The following ZYG11A variants were observed in gnomAD, a reference collection of about 807,000 sequenced individuals.
ZYG11A encodes zyg-11 family member A, cell cycle regulator, also known as protein zyg-11 homolog A.
Under a neutral mutation model 77.2 loss-of-function variants are expected in ZYG11A, and 62 were observed. The ratio of observed to expected loss-of-function variants is 0.80; its 90% CI spans 0.65 to 0.99. The LOEUF is 0.99. ZYG11A is among the 50% of genes least tolerant of loss of function. ZYG11A has a pLI of 0.00. For synonymous variants in ZYG11A, 315 were observed against 324.6 expected (o/e 0.97, Z 0.32); for missense variants, 828 against 896.8 (o/e 0.92, Z 0.98).
At chr1:52,865,101 C>A (rs971846889) in intron 5 of ZYG11A, among the ~76,000 whole-genome samples, 1 of 152,046 alleles carries the variant, frequency 6.6e-6, no homozygotes, top group Non-Finnish European at 1.5e-5. Context: ...TGCCACCATG[C>A]CTGGTTGATT....
chr1:52,854,758 A>C, intron 2 of ZYG11A, 128 bp downstream of exon 2: 1 of 993,056 alleles, frequency 1.0e-6, no homozygotes, highest in South Asian at 2.7e-5. Context: ...GTTGAGACTC[A>C]CTCTTTCTGG....
At chr1:52,865,738 C>A (rs1646012662) in intron 5 of ZYG11A, among the ~76,000 whole-genome samples, 1 of 151,966 alleles carries the variant, frequency 6.6e-6, no homozygotes, top group Non-Finnish European at 1.5e-5. Flanking sequence ...ATTCCATTTG[C>A]ATAACACCTT....
intron 6 of ZYG11A, among the ~76,000 whole-genome samples, chr1:52,866,846 T>C (rs776117033): frequency 6.6e-6 from 1 of 152,192 alleles, no homozygotes; most frequent in Non-Finnish European, 1.5e-5. Context: ...ATTTGTAAAA[T>C]AGTGACTCTT....
rs1161967033 is a variant in ZYG11A, at chr1:52,852,061, C to A, written c.91-2404C>A. Reference sequence around the variant, plus strand: ...TCCCGAGTAGCTAGGATTACAGGCGCCTGCCACCACTCTCGGCTAATTTTT... The same window carrying A: ...TCCCGAGTAGCTAGGATTACAGGCGACTGCCACCACTCTCGGCTAATTTTT... On this transcript the variant is annotated intron_variant, in intron 1 of 13. Transcript: ENST00000371528. Among the ~76,000 whole-genome samples the A allele has an allele frequency of 2.0e-5, 3 of 151,866 alleles. No homozygotes were observed. The East Asian group carries it at 5.8e-4, about 29-fold the overall frequency.
intron 1 of ZYG11A, among the ~76,000 whole-genome samples, chr1:52,850,084 G>A (rs934433303): frequency 3.3e-5 from 5 of 152,114 alleles, no homozygotes; most frequent in Non-Finnish European, 5.9e-5. Flanking sequence ...TTCTGTTTCA[G>A]TTTGAGTCAT....
chr1:52,886,427 G>T (rs1646452139), intron 12 of ZYG11A, among the ~76,000 whole-genome samples: 1 of 152,174 alleles, frequency 6.6e-6, no homozygotes, highest in African/African-American at 2.4e-5. Flanking sequence ...ATAATAAAGG[G>T]TTTAATACAG....
chr1:52,863,990 A>G lies in ZYG11A; in HGVS notation c.1159A>G (p.Ile387Val), dbSNP rs533132008. The G allele has an allele frequency of 2.5e-5, 39 of 1,550,426 alleles. 1 individual carries two copies. The Middle Eastern group carries it at 6.7e-4, about 27-fold the overall frequency. ...ACAAGTTCATCTTCAGCTTGTGGCTATAGGAATGAGGAATCACCCATTGGA... is the reference window on the plus strand; with the variant it reads ...ACAAGTTCATCTTCAGCTTGTGGCTGTAGGAATGAGGAATCACCCATTGGA... Reference protein sequence around the residue: ...TMPAILKLVAIGMRNHPLDLR... With the variant: ...TMPAILKLVAVGMRNHPLDLR... The change falls in exon 5 of 14, where the codon ATA (isoleucine) becomes GTA (valine). Residue 387 changes from isoleucine to valine, a missense_variant. Ile to Val is a conservative substitution (Grantham distance 29). Transcript: ENST00000371528.
intron 11 of ZYG11A, among the ~76,000 whole-genome samples, chr1:52,883,506 C>G (rs1466439006): frequency 6.6e-6 from 1 of 151,806 alleles, no homozygotes; most frequent in East Asian, 1.9e-4. Flanking sequence ...CAGCTCATTG[C>G]ATCCTCCACC....
intron 8 of ZYG11A, among the ~76,000 whole-genome samples, chr1:52,875,710 G>A (rs988439457): frequency 1.1e-4 from 16 of 151,376 alleles, no homozygotes; most frequent in Non-Finnish European, 1.8e-4. Flanking sequence ...TTTTGGTGCT[G>A]AATCTCTGTA....
intron 13 of ZYG11A, among the ~76,000 whole-genome samples, chr1:52,888,969 C>T (rs1646492112): frequency 1.3e-5 from 2 of 152,152 alleles, no homozygotes; most frequent in Admixed American, 6.5e-5. Context: ...CTGAAACAGA[C>T]TCATACAGTT....
At chr1:52,860,610 T>C (rs1645909539) in intron 3 of ZYG11A, 121 bp from the exon 4 acceptor site, 4 of 1,133,366 alleles carry the variant, frequency 3.5e-6, no homozygotes, top group Non-Finnish European at 5.0e-6. Context: ...ACCTGGAACA[T>C]TTAATTGAAC....
chr1:52,862,426 C>T (rs1645947282), intron 4 of ZYG11A, among the ~76,000 whole-genome samples: 1 of 151,146 alleles, frequency 6.6e-6, no homozygotes, highest in Non-Finnish European at 1.5e-5. Flanking sequence ...ATTCTCCTGC[C>T]TCAGCCTCCC....
rs186544212 is a variant in ZYG11A, at chr1:52,854,477, C to G, written c.103C>G (p.Pro35Ala). ...TTTTGTTTGCTAGGAAGAGGCATCT[C>G]CCTACACTTTGGTCAACATCTGCCT... ...GCCVVQEEAS[P>A]YTLVNICLNV... Residue 35 changes from proline to alanine, a missense_variant, in exon 2 of 14, where the codon CCC (proline) becomes GCC (alanine). By Grantham distance (27) the Pro-to-Ala change is conservative. Transcript: ENST00000371528. 6 of 1,547,496 alleles carry G rather than the reference C, an allele frequency of 3.9e-6. No individual in the cohort carries two copies. The African/African-American group carries it at 5.5e-5, about 14-fold the overall frequency.
At chr1:52,878,812 G>T (rs1646307392) in intron 10 of ZYG11A, among the ~76,000 whole-genome samples, 1 of 151,348 alleles carries the variant, frequency 6.6e-6, no homozygotes, top group Admixed American at 6.6e-5. Context: ...GGTAGCACAT[G>T]CCTGTAATCC....
chr1:52,883,778 T>C (rs1325098629), intron 11 of ZYG11A, among the ~76,000 whole-genome samples: 1 of 152,080 alleles, frequency 6.6e-6, no homozygotes, highest in Admixed American at 6.6e-5. Context: ...TGCAAGTTGC[T>C]TTTTTTCCTA....
intron 13 of ZYG11A, among the ~76,000 whole-genome samples, chr1:52,888,679 T>C (rs1447687572): frequency 6.6e-6 from 1 of 152,200 alleles, no homozygotes; most frequent in African/African-American, 2.4e-5. Context: ...TTTTATGGGC[T>C]CAGCCTGGTG....
intron 10 of ZYG11A, among the ~76,000 whole-genome samples, chr1:52,879,638 G>A (rs1287772072): frequency 1.3e-5 from 2 of 152,054 alleles, no homozygotes; most frequent in Admixed American, 6.6e-5. Flanking sequence ...GGAAAAGGTG[G>A]GAAGGTGAAA....
chr1:52,864,447 T>C (rs529396544), intron 5 of ZYG11A, among the ~76,000 whole-genome samples: 1 of 152,282 alleles, frequency 6.6e-6, no homozygotes, highest in South Asian at 2.1e-4. Context: ...GGTTTCACCA[T>C]GTTGGTCAGG....
chr1:52,854,974 C>T (rs1234971675), intron 2 of ZYG11A, among the ~76,000 whole-genome samples: 7 of 151,960 alleles, frequency 4.6e-5, no homozygotes, highest in African/African-American at 1.5e-4. Context: ...AAGCGATTCT[C>T]CTGCCTCAGC....
Sources: allele counts gnomAD v4.1 joint callset (sites outside exome capture counted in the v4.1 genomes callset), GRCh38; gene constraint gnomAD v4.1.1; transcripts MANE v1.5; gene names NCBI Gene and HGNC (gene_info 2026-07-23, HGNC 2026-07-21).